The following TNIK variants were observed in gnomAD, a reference collection of about 807,000 sequenced individuals.
TNIK encodes TRAF2 and NCK interacting kinase.
A neutral mutation model predicts 191.3 loss-of-function variants in TNIK; 49 were observed. The ratio of observed to expected loss-of-function variants is 0.26; its 90% CI spans 0.20 to 0.32. The LOEUF is 0.32. TNIK is among the 10% of genes least tolerant of loss of function. The pLI is 1.00. For synonymous variants in TNIK, 594 were observed against 600.9 expected (o/e 0.99, Z 0.17); for missense variants, 1,155 against 1,702.3 (o/e 0.68, Z 5.66).
intron 22 of TNIK, among the ~76,000 whole-genome samples, chr3:171,100,528 T>C (rs1723325963): frequency 6.6e-6 from 1 of 152,072 alleles, no homozygotes; most frequent in Non-Finnish European, 1.5e-5. Context: ...TGTGAACTGA[T>C]AATCAATGCT....
chr3:171,395,656 C>A (rs547942481), intron 1 of TNIK, among the ~76,000 whole-genome samples: 2 of 152,112 alleles, frequency 1.3e-5, no homozygotes, highest in Non-Finnish European at 2.9e-5. Context: ...ATCTTTTCTA[C>A]GATTAACCAG....
chr3:171,215,768 C>T (rs1741384641), intron 3 of TNIK, among the ~76,000 whole-genome samples: 3 of 152,300 alleles, frequency 2.0e-5, no homozygotes, highest in South Asian at 4.1e-4. Context: ...CAGGGGAACA[C>T]ACTTTAAGTG....
chr3:171,355,330 G>A (rs571600855), intron 2 of TNIK, among the ~76,000 whole-genome samples: 1 of 152,280 alleles, frequency 6.6e-6, no homozygotes, highest in Non-Finnish European at 1.5e-5. Context: ...TAGGTTTCTT[G>A]AGGGAATGGA....
chr3:171,158,805 G>A (rs1204277872), intron 11 of TNIK, among the ~76,000 whole-genome samples: 1 of 152,174 alleles, frequency 6.6e-6, no homozygotes, highest in East Asian at 1.9e-4. Flanking sequence ...GGTAAGCTTT[G>A]AGGCCTTACT....
At chr3:171,305,546 G>C (rs1289644668) in intron 2 of TNIK, among the ~76,000 whole-genome samples, 1 of 152,100 alleles carries the variant, frequency 6.6e-6, no homozygotes, top group Non-Finnish European at 1.5e-5. Context: ...ATTAAAAAGT[G>C]GGCAAAGGAC....
intron 21 of TNIK, among the ~76,000 whole-genome samples, chr3:171,104,120 A>T (rs1576818756): frequency 6.6e-6 from 1 of 152,134 alleles, no homozygotes; most frequent in African/African-American, 2.4e-5. Flanking sequence ...ATATACCAGA[A>T]TCCCTATGAA....
intron 2 of TNIK, among the ~76,000 whole-genome samples, chr3:171,286,235 G>GT (rs1007482411): frequency 1.3e-5 from 2 of 152,120 alleles, no homozygotes; most frequent in African/African-American, 4.8e-5. Flanking sequence ...ATCCACCACT[G>GT]TAACAGATAT....
At chr3:171,340,613 T>G (rs1413535418) in intron 2 of TNIK, among the ~76,000 whole-genome samples, 1 of 152,214 alleles carries the variant, frequency 6.6e-6, no homozygotes, top group Non-Finnish European at 1.5e-5. Context: ...ACTTTACTCC[T>G]TTCTCCCACA....
At chr3:171,090,415 TTTTC>T (rs1347526549) in intron 23 of TNIK, among the ~76,000 whole-genome samples, 16 of 149,224 alleles carry the variant, frequency 1.1e-4, no homozygotes, top group South Asian at 4.2e-4. Context: ...TTTTTCTTTC[TTTTC>T]TTTCTTTCTT....
rs982375105 is a variant in TNIK at position 171,221,899 on chromosome 3, AT to A, written c.180+6265del. Reference sequence around the variant, plus strand: ...TCACAGATCAGGCTGTCATCAAAATATACAACTACAGGATTTTAATGCACAC... The same window carrying A: ...TCACAGATCAGGCTGTCATCAAAATAACAACTACAGGATTTTAATGCACAC... On this transcript the variant is annotated intron_variant, in intron 3 of 32. Transcript: ENST00000436636. Among the ~76,000 whole-genome samples, 17 of 152,164 alleles carry A rather than the reference AT, an allele frequency of 1.1e-4. 1 individual carries two copies.
chr3:171,322,015 T>C (rs1755214772), intron 2 of TNIK, among the ~76,000 whole-genome samples: 1 of 152,212 alleles, frequency 6.6e-6, no homozygotes, highest in Non-Finnish European at 1.5e-5. Flanking sequence ...TCTAAAACTC[T>C]GGGTATATGG....
chr3:171,190,310 G>T (rs1737886718), intron 6 of TNIK, among the ~76,000 whole-genome samples: 1 of 152,144 alleles, frequency 6.6e-6, no homozygotes, highest in South Asian at 2.1e-4. Flanking sequence ...AGCAGGAATT[G>T]ATTATTCTGA....
chr3:171,452,777 C>T (rs972544424), intron 1 of TNIK, among the ~76,000 whole-genome samples: 27 of 150,500 alleles, frequency 1.8e-4, no homozygotes, highest in African/African-American at 6.4e-4. Flanking sequence ...CACACATACG[C>T]CTTGCAATTC....
At chr3:171,427,764 T>C (rs1724832491) in intron 1 of TNIK, among the ~76,000 whole-genome samples, 1 of 152,132 alleles carries the variant, frequency 6.6e-6, no homozygotes, top group Non-Finnish European at 1.5e-5. Flanking sequence ...GTTTACAGCC[T>C]AGTGGGCAGG....
intron 18 of TNIK, among the ~76,000 whole-genome samples, chr3:171,120,272 T>G (rs1160816527): frequency 6.6e-6 from 1 of 152,014 alleles, no homozygotes; most frequent in African/African-American, 2.4e-5. Flanking sequence ...AAGCAAAAAC[T>G]GACCGTTTTT....
chr3:171,232,615 A>G (rs945450786), intron 2 of TNIK, among the ~76,000 whole-genome samples: 3 of 152,218 alleles, frequency 2.0e-5, no homozygotes, highest in African/African-American at 7.2e-5. Context: ...CTAATGTCAG[A>G]TAATGTCCTA....
At chr3:171,283,567 C>T (rs186395192) in intron 2 of TNIK, among the ~76,000 whole-genome samples, 36 of 152,282 alleles carry the variant, frequency 2.4e-4, no homozygotes, top group African/African-American at 7.2e-4. Context: ...CCTTGGCAGC[C>T]GTTCCAACCT....
In TNIK at chr3:171,188,626, T is replaced by C. The variant is rs1176487623; in HGVS notation, c.639+76A>G. On this transcript the variant is annotated intron_variant, in intron 7 of 32. Transcript: ENST00000436636. ...CTTTGGGTGACATAAATCATAAATA[T>C]AAGGGCATGTAAGACTTTATAAGAC... 3.9e-6 allele frequency: 6 copies of C among 1,540,196 alleles called. No individual in the cohort carries two copies. In the African/African-American group the frequency reaches 4.1e-5, roughly 11 times the overall value.
intron 1 of TNIK, among the ~76,000 whole-genome samples, chr3:171,436,224 C>G (rs960803149): frequency 6.6e-6 from 1 of 152,196 alleles, no homozygotes; most frequent in African/African-American, 2.4e-5. Flanking sequence ...ATTTTTACAT[C>G]TGTTTTTACC....
Sources: allele counts gnomAD v4.1 joint callset (sites outside exome capture counted in the v4.1 genomes callset), GRCh38; gene constraint gnomAD v4.1.1; transcripts MANE v1.5; gene names NCBI Gene and HGNC (gene_info 2026-07-23, HGNC 2026-07-21).